Variants in COL5A1 observed in about 807,000 individuals in gnomAD.
COL5A1 encodes collagen type V alpha 1 chain.
In COL5A1, 16 loss-of-function variants were observed where a neutral mutation model predicts 263.7. The observed-to-expected ratio is 0.06, with a 90% CI of 0.04 to 0.09. COL5A1 has a LOEUF of 0.09. Ranked by LOEUF, COL5A1 falls within the 10% of genes least tolerant of loss-of-function variation. COL5A1 has a pLI of 1.00. For synonymous variants in COL5A1, 1,012 were observed against 1,004.5 expected, an observed-to-expected ratio of 1.01 and a Z score of -0.14; for missense variants, 2,036 against 2,540.5, an observed-to-expected ratio of 0.80 and a Z score of 4.27.
chr9:134,728,211 C>T (rs1177379531), intron 5 of COL5A1, among the ~76,000 whole-genome samples: 1 of 152,248 alleles, frequency 6.6e-6, no homozygotes, highest in African/African-American at 2.4e-5. Flanking sequence ...CTGCCAGGCT[C>T]CTCCCAGCTC....
intron 28 of COL5A1, among the ~76,000 whole-genome samples, chr9:134,781,430 AAC>A: frequency 6.6e-6 from 1 of 152,364 alleles, no homozygotes; most frequent in African/African-American, 2.4e-5. Flanking sequence ...GGGCCTTACG[AAC>A]ACAGGGTCCC....
intron 4 of COL5A1, among the ~76,000 whole-genome samples, chr9:134,713,197 G>A (rs1181531369): frequency 6.6e-6 from 1 of 152,252 alleles, no homozygotes; most frequent in African/African-American, 2.4e-5. Flanking sequence ...TTTGAGCCAC[G>A]CCACGTGGTC....
chr9:134,822,690 T>C (rs1024397199), intron 59 of COL5A1, among the ~76,000 whole-genome samples: 9 of 149,608 alleles, frequency 6.0e-5, no homozygotes, highest in Non-Finnish European at 1.3e-4. Flanking sequence ...ATCAGCCCCT[T>C]CTGAGCCAGG....
At chr9:134,805,252 C>A (rs1273117293) in intron 41 of COL5A1, 38 bp downstream of exon 41, 1 of 1,611,000 alleles carries the variant, frequency 6.2e-7, no homozygotes, top group African/African-American at 1.3e-5. Context: ...TTTCTTGAAT[C>A]CTACTCTCCA....
At chr9:134,644,864 T>C (rs965275873) in intron 1 of COL5A1, among the ~76,000 whole-genome samples, 1 of 152,174 alleles carries the variant, frequency 6.6e-6, no homozygotes, top group African/African-American at 2.4e-5. Flanking sequence ...TTGCAATAAT[T>C]TGTGGGGAGA....
intron 4 of COL5A1, among the ~76,000 whole-genome samples, chr9:134,707,115 G>T (rs989632171): frequency 6.6e-6 from 1 of 152,192 alleles, no homozygotes; most frequent in African/African-American, 2.4e-5. Flanking sequence ...GCCTGCCGTG[G>T]AAGGCCCCTC....
chr9:134,756,617 C>G, intron 16 of COL5A1, 148 bp from the exon 17 acceptor site: 1 of 852,590 alleles, frequency 1.2e-6, no homozygotes, highest in South Asian at 1.4e-5. Context: ...TCTGGGTCCT[C>G]GCAGCAGCCC....
chr9:134,716,959 A>G lies in COL5A1; in HGVS notation c.655-10307A>G, dbSNP rs925747980. The stretch of plus-strand genomic sequence containing the variant: ...GACGACATGAAAATATTTCTCTGAC[A>G]CTCTCGTTAATAGTGTGAAACTCGT... On this transcript the variant is annotated intron_variant, in intron 4 of 65. Transcript: ENST00000371817. The surrounding 1 kb of genome is among the most constrained non-coding windows in gnomAD (Gnocchi z 4.5). Among the ~76,000 whole-genome samples the G allele has an allele frequency of 3.3e-5, 5 of 152,012 alleles. No homozygotes were observed. Among genetic ancestry groups the G allele is most frequent in the Non-Finnish European group, 5.9e-5 (4 of 68,020 alleles).
At chr9:134,695,264 G>C (rs1480620225) in intron 2 of COL5A1, among the ~76,000 whole-genome samples, 1 of 152,170 alleles carries the variant, frequency 6.6e-6, no homozygotes, top group African/African-American at 2.4e-5. Flanking sequence ...CCTGCCCCTT[G>C]GCCAACACCC....
rs1248562792 is a variant in COL5A1 at position 134,842,402 on chromosome 9, CT to C, written c.*101del. On this transcript the variant is annotated 3_prime_UTR_variant, in exon 66 of 66. Coordinates refer to ENST00000371817, the MANE Select transcript of COL5A1 (RefSeq NM_000093.5). The surrounding 1 kb of genome is among the most constrained non-coding windows in gnomAD (Gnocchi z 5.8). ...ACGTCCTGACCCTGGACAGTGAAGG[CT>C]TCTCCCTCCCCTCCCACCTGACTTC... 2 of 1,414,216 alleles carry C rather than the reference CT, an allele frequency of 1.4e-6. No homozygotes were observed. The highest frequency in any genetic ancestry group is 2.0e-6 in the Non-Finnish European group (2 of 1,024,448). The allele number at this position is 1,414,216 out of a possible 1,614,324, so 87.6% of individuals were successfully genotyped here.
At chr9:134,709,534 C>T (rs756981824) in intron 4 of COL5A1, among the ~76,000 whole-genome samples, 31 of 152,180 alleles carry the variant, frequency 2.0e-4, no homozygotes, top group Non-Finnish European at 2.6e-4. Context: ...GCTGGTGACC[C>T]GCCTGGTAGG....
intron 54 of COL5A1, 26 bp downstream of exon 54, chr9:134,817,857 G>C: frequency 1.3e-6 from 2 of 1,577,516 alleles, no homozygotes; most frequent in Non-Finnish European, 1.7e-6. Context: ...GCCAGGCTGT[G>C]ACCGCGTAGA....
intron 1 of COL5A1, among the ~76,000 whole-genome samples, chr9:134,675,768 C>T (rs1759049779): frequency 6.6e-6 from 1 of 152,196 alleles, no homozygotes; most frequent in Non-Finnish European, 1.5e-5. Flanking sequence ...GGGTTCTCTT[C>T]ACATGGAGCC....
intron 4 of COL5A1, among the ~76,000 whole-genome samples, chr9:134,711,844 C>A (rs1052439687): frequency 6.6e-6 from 1 of 152,014 alleles, no homozygotes; most frequent in Non-Finnish European, 1.5e-5. Flanking sequence ...TTCAGCGTCT[C>A]GTTCTCCAGC....
In COL5A1 at chr9:134,741,104, G is replaced by C. The variant is rs1835286521; in HGVS notation, c.1494+2296G>C. Among the ~76,000 whole-genome samples the C allele has an allele frequency of 1.3e-5, 2 of 152,212 alleles. No homozygotes were observed. The highest frequency in any genetic ancestry group is 4.8e-5 in the African/African-American group (2 of 41,454). ...CCGCTCAGCGCCCTCTTGATGTCCAGATCTTGCTCGATGCCCGCTAATCAG... is the reference window on the plus strand; with the variant it reads ...CCGCTCAGCGCCCTCTTGATGTCCACATCTTGCTCGATGCCCGCTAATCAG... On this transcript the variant is annotated intron_variant, in intron 11 of 65. Transcript: ENST00000371817. The surrounding 1 kb of genome is among the most constrained non-coding windows in gnomAD (Gnocchi z 4.5).
chr9:134,763,613 C>T lies in COL5A1; in HGVS notation c.1990-80C>T. 4.9e-6 allele frequency: 7 copies of T among 1,433,304 alleles called. No homozygotes were observed. In the South Asian group the frequency reaches 8.1e-5, roughly 16 times the overall value. 88.8% of individuals were successfully genotyped at this position (1,433,304 alleles called of 1,614,324 possible). ...TGTGAAGCAGCCCCAAGCCAGAGAA[C>T]CCTTGTGCACCACTGAGGGGAAGCT... is the stretch of plus-strand genomic sequence containing the variant. On this transcript the variant is annotated intron_variant, in intron 19 of 65. Coordinates refer to ENST00000371817, the MANE Select transcript of COL5A1 (RefSeq NM_000093.5).
chr9:134,655,090 A>T (rs1223809782), intron 1 of COL5A1, among the ~76,000 whole-genome samples: 1 of 54,544 alleles, frequency 1.8e-5, no homozygotes, highest in East Asian at 5.4e-4. Context: ...AGGGGTGTGT[A>T]GGGCTGGTGT....
In COL5A1 at chr9:134,747,944, T is replaced by G. The variant is rs867584391; in HGVS notation, c.1495-2598T>G. Among the ~76,000 whole-genome samples, 676 of 112,378 alleles carry G rather than the reference T, an allele frequency of 6.0e-3. 19 individuals carry two copies. Among genetic ancestry groups the G allele is most frequent in the African/African-American group, 0.014 (378 of 27,152 alleles). 73.7% of individuals were successfully genotyped at this position (112,378 alleles called of 152,430 possible). On this transcript the variant is annotated intron_variant, in intron 11 of 65. Coordinates refer to ENST00000371817, the MANE Select transcript of COL5A1 (RefSeq NM_000093.5). Reference sequence around the variant, plus strand: ...ATGCATTCATACACACATGCATTCATACACATGCAGACACATGCACACATG... The same window carrying G: ...ATGCATTCATACACACATGCATTCAGACACATGCAGACACATGCACACATG...
chr9:134,805,236 A>G (rs1838254549), intron 41 of COL5A1, 22 bp downstream of exon 41: 6 of 1,613,526 alleles, frequency 3.7e-6, no homozygotes, highest in Non-Finnish European at 5.1e-6. Flanking sequence ...CCTTTGTCCC[A>G]TCCTCTTTCT....
Sources: gnomAD v4.1 joint callset for allele counts (sites outside exome capture counted in the v4.1 genomes callset) on GRCh38, gnomAD v4.1.1 for gene constraint, Gnocchi (gnomAD v3.1) non-coding constraint, MANE v1.5 for transcripts, NCBI Gene and HGNC (gene_info 2026-07-23, HGNC 2026-07-21) for gene names.